EEFSEC: variants seen among roughly 807,000 people sequenced by gnomAD.
The protein encoded by EEFSEC is eukaryotic elongation factor, selenocysteine-tRNA specific, also known as selenocysteine-specific elongation factor.
Under a neutral mutation model 42.1 loss-of-function variants are expected in EEFSEC, and 43 were observed. The observed-to-expected ratio is 1.02, with a 90% confidence interval of 0.80 to 1.32. The LOEUF is 1.32. Ranked by LOEUF, EEFSEC falls within the 40% of genes most tolerant of loss-of-function variation. The pLI, the probability that EEFSEC is intolerant of heterozygous loss-of-function variation, is 0.00. For synonymous variants in EEFSEC, 354 were observed against 339.1 expected, an observed-to-expected ratio of 1.04 and a Z score of -0.48; for missense variants, 745 against 803.6, an observed-to-expected ratio of 0.93 and a Z score of 0.88.
intron 4 of EEFSEC, among the ~76,000 whole-genome samples, chr3:128,300,192 C>T (rs1394742261): frequency 3.3e-5 from 5 of 152,200 alleles, no homozygotes. Flanking sequence ...CTCTTTGTCC[C>T]AGAATTTCCC....
intron 6 of EEFSEC, among the ~76,000 whole-genome samples, chr3:128,387,445 T>C (rs1467785799): frequency 2.0e-5 from 3 of 151,924 alleles, no homozygotes; most frequent in African/African-American, 7.3e-5. Flanking sequence ...CTCGCAAAAG[T>C]CGTGATGCCA....
chr3:128,309,050 A>C (rs1013535316), intron 4 of EEFSEC, among the ~76,000 whole-genome samples: 2 of 152,252 alleles, frequency 1.3e-5, no homozygotes, highest in East Asian at 3.8e-4. Context: ...GTTTGTACGC[A>C]TGATCTCATT....
intron 1 of EEFSEC, among the ~76,000 whole-genome samples, chr3:128,174,767 C>T (rs542575100): frequency 3.3e-5 from 5 of 152,284 alleles, no homozygotes; most frequent in Admixed American, 3.3e-4. Flanking sequence ...GCAAGGTAGA[C>T]ACTTGGTAAA....
downstream of EEFSEC, among the ~76,000 whole-genome samples, chr3:128,411,042 C>T (rs2068170117): frequency 1.3e-5 from 2 of 152,182 alleles, no homozygotes; most frequent in Admixed American, 1.3e-4. Flanking sequence ...CAGCCGACTG[C>T]CCCAGGAGAG....
At chr3:128,189,845 C>T (rs2065503537) in intron 1 of EEFSEC, among the ~76,000 whole-genome samples, 1 of 151,964 alleles carries the variant, frequency 6.6e-6, no homozygotes, top group Non-Finnish European at 1.5e-5. Context: ...GCCACTGTGC[C>T]CAGCCTCCTT....
chr3:128,153,689 C>G lies in EEFSEC; in HGVS notation c.182C>G (p.Pro61Arg). 1.9e-6 allele frequency: 3 copies of G among 1,591,890 alleles called. No individual in the cohort carries two copies. Among genetic ancestry groups the G allele is most frequent in the Non-Finnish European group, 2.5e-6 (3 of 1,176,502 alleles). ...TTCTCGTGCTTCTCGGTGCCGCTGCCCGCGCGCCTGCGGTCGTCTTTGCCC... is the reference window on the plus strand; with the variant it reads ...TTCTCGTGCTTCTCGGTGCCGCTGCGCGCGCGCCTGCGGTCGTCTTTGCCC... Reference protein sequence around the residue: ...LGFSCFSVPLPARLRSSLPEF... With the variant: ...LGFSCFSVPLRARLRSSLPEF... Residue 61 changes from proline (P) to arginine (R), a missense_variant, in exon 1 of 7, where the codon CCC becomes CGC. Pro to Arg is a moderately radical substitution (Grantham distance 103). Transcript: ENST00000254730.
chr3:128,418,393 C>G, the EEFSEC span, among the ~76,000 whole-genome samples: 1 of 152,088 alleles, frequency 6.6e-6, no homozygotes, highest in Non-Finnish European at 1.5e-5. Context: ...GCAGGCGGCT[C>G]TGCCCGACTC....
At chr3:128,326,878 A>G (rs2067069413) in intron 4 of EEFSEC, among the ~76,000 whole-genome samples, 1 of 152,196 alleles carries the variant, frequency 6.6e-6, no homozygotes, top group Non-Finnish European at 1.5e-5. Flanking sequence ...CCTCTCATCT[A>G]GAGGAGATCC....
At chr3:128,296,179 G>C (rs2066704203) in intron 4 of EEFSEC, among the ~76,000 whole-genome samples, 2 of 152,146 alleles carry the variant, frequency 1.3e-5, no homozygotes. Flanking sequence ...GCCCACACTA[G>C]GATGTCCCGA....
At chr3:128,183,020 A>G (rs1218917532) in intron 1 of EEFSEC, among the ~76,000 whole-genome samples, 1 of 152,140 alleles carries the variant, frequency 6.6e-6, no homozygotes, top group Non-Finnish European at 1.5e-5. Context: ...CCGCTGATCC[A>G]GGCCTGAATT....
downstream of EEFSEC, among the ~76,000 whole-genome samples, chr3:128,409,780 T>G (rs1486855124): frequency 6.6e-6 from 1 of 152,224 alleles, no homozygotes; most frequent in Non-Finnish European, 1.5e-5. Context: ...GGGACTGCAG[T>G]GGCCCCTCTC....
At chr3:128,387,179 G>T (rs946213975) in intron 6 of EEFSEC, among the ~76,000 whole-genome samples, 2 of 152,218 alleles carry the variant, frequency 1.3e-5, no homozygotes, top group African/African-American at 2.4e-5. Flanking sequence ...GGCTGCAGGG[G>T]TCACAGGGGT....
chr3:128,239,061 T>C (rs534416669), intron 1 of EEFSEC, among the ~76,000 whole-genome samples: 1 of 152,340 alleles, frequency 6.6e-6, no homozygotes, highest in African/African-American at 2.4e-5. Context: ...AGGATGTTTG[T>C]GGAGGAGCCT....
chr3:128,303,119 A>G (rs752001706), intron 4 of EEFSEC, among the ~76,000 whole-genome samples: 3 of 151,934 alleles, frequency 2.0e-5, no homozygotes, highest in Non-Finnish European at 4.4e-5. Flanking sequence ...TTTTTTAAAC[A>G]TTATTATTAT....
intron 1 of EEFSEC, among the ~76,000 whole-genome samples, chr3:128,202,346 T>C (rs995908506): frequency 2.0e-5 from 3 of 152,216 alleles, no homozygotes; most frequent in Admixed American, 6.5e-5. Flanking sequence ...TCTTCACTTA[T>C]GTATTTTTAA....
At chr3:128,277,322 A>T (rs1256518236) in intron 4 of EEFSEC, among the ~76,000 whole-genome samples, 1 of 152,230 alleles carries the variant, frequency 6.6e-6, no homozygotes, top group Non-Finnish European at 1.5e-5. Flanking sequence ...TGTAATCATC[A>T]TGGGGAAAGG....
At chr3:128,358,455 C>T in intron 6 of EEFSEC, 82 bp downstream of exon 6, 2 of 1,559,060 alleles carry the variant, frequency 1.3e-6, no homozygotes, top group East Asian at 2.3e-5. Context: ...AGGTGGCGCT[C>T]CTTGGCTTAG....
chr3:128,411,105 G>A (rs940262626), downstream of EEFSEC, among the ~76,000 whole-genome samples: 2 of 152,184 alleles, frequency 1.3e-5, no homozygotes, highest in African/African-American at 4.8e-5. Context: ...TAGTGGGGTC[G>A]GGCCAGGGCG....
chr3:128,377,344 A>G (rs761810951), intron 6 of EEFSEC, among the ~76,000 whole-genome samples: 7 of 152,172 alleles, frequency 4.6e-5, no homozygotes, highest in Non-Finnish European at 1.0e-4. Context: ...CCGGGCTCAG[A>G]CAGAGCTTGG....
Sources: allele counts gnomAD v4.1 joint callset (sites outside exome capture counted in the v4.1 genomes callset), GRCh38; gene constraint gnomAD v4.1.1; transcripts MANE v1.5; gene names NCBI Gene and HGNC (gene_info 2026-07-23, HGNC 2026-07-21).